The following MARCHF1 variants were observed in gnomAD, a reference collection of about 807,000 sequenced individuals.
The protein encoded by MARCHF1 is E3 ubiquitin-protein ligase MARCHF1.
A neutral mutation model predicts 54.2 loss-of-function variants in MARCHF1; 40 were observed. That is an observed-to-expected ratio of 0.74 (90% CI 0.57 to 0.96). The LOEUF is 0.96. Among genes scored for constraint, MARCHF1 ranks in the 40% least tolerant of loss-of-function variants. The probability of loss-of-function intolerance (pLI) is 0.00; values close to 1 mark genes in which losing one functional copy is unlikely to be tolerated. For missense variants in MARCHF1, 586 were observed against 656.5 expected (o/e 0.89, Z 1.17); for synonymous variants, 236 against 236.3 (o/e 1.00, Z 0.01).
chr4:163,980,852 A>G (rs1456170799), intron 3 of MARCHF1, among the ~76,000 whole-genome samples: 1 of 152,158 alleles, frequency 6.6e-6, no homozygotes, highest in African/African-American at 2.4e-5. Context: ...AAGTTTTGAT[A>G]ATTAATTTTG....
At chr4:164,266,899 A>C (rs182244456) in intron 1 of MARCHF1, among the ~76,000 whole-genome samples, 1 of 152,340 alleles carries the variant, frequency 6.6e-6, no homozygotes, top group Non-Finnish European at 1.5e-5. Context: ...GTAAAATACT[A>C]ATTCAACTCA....
At chr4:164,182,826 T>C (rs1005626201) in intron 1 of MARCHF1, among the ~76,000 whole-genome samples, 10 of 152,042 alleles carry the variant, frequency 6.6e-5, no homozygotes, top group African/African-American at 2.4e-4. Context: ...CCTCTGAAAA[T>C]TTAAGTTCAC....
intron 8 of MARCHF1, among the ~76,000 whole-genome samples, chr4:163,547,319 C>T (rs940430702): frequency 1.3e-5 from 2 of 152,216 alleles, no homozygotes; most frequent in African/African-American, 2.4e-5. Context: ...TCATTAGAGT[C>T]GGCATTGTGC....
At chr4:163,770,440 T>C (rs1337798989) in intron 4 of MARCHF1, among the ~76,000 whole-genome samples, 2 of 152,092 alleles carry the variant, frequency 1.3e-5, no homozygotes, top group Non-Finnish European at 2.9e-5. Context: ...TAAACTTCAG[T>C]ATAAAATATG....
intron 1 of MARCHF1, among the ~76,000 whole-genome samples, chr4:164,149,400 G>T (rs914220392): frequency 1.3e-4 from 20 of 152,054 alleles, no homozygotes; most frequent in Admixed American, 1.3e-3. Context: ...TAACACTTCA[G>T]AAATTATCAG....
At chr4:163,776,194 T>C (rs1242352527) in intron 4 of MARCHF1, among the ~76,000 whole-genome samples, 5 of 152,068 alleles carry the variant, frequency 3.3e-5, no homozygotes, top group African/African-American at 1.2e-4. Flanking sequence ...TATGTAAGTT[T>C]TATAAATGAG....
chr4:163,680,632 C>G (rs931707413), intron 5 of MARCHF1, among the ~76,000 whole-genome samples: 2 of 152,204 alleles, frequency 1.3e-5, no homozygotes, highest in Non-Finnish European at 2.9e-5. Flanking sequence ...CATCCTTCCT[C>G]TGTGGAACTA....
intron 1 of MARCHF1, among the ~76,000 whole-genome samples, chr4:164,156,727 C>G (rs1730087825): frequency 6.6e-6 from 1 of 152,088 alleles, no homozygotes; most frequent in Non-Finnish European, 1.5e-5. Context: ...CCATGCCCGC[C>G]CTTAATTCTT....
rs1267315805 is a variant in MARCHF1 at position 163,990,821 on chromosome 4, G to A, written c.-247-2112C>T. ...GTAAATTATGAAACTCTTTAGAAAA[G>A]TAATATTGTCAGTGTTTAGGTCCAT... On this transcript the variant is annotated intron_variant, in intron 2 of 9. Transcript: ENST00000514618. Among the ~76,000 whole-genome samples, 3 of 152,216 alleles carry A rather than the reference G, an allele frequency of 2.0e-5. 1 individual carries two copies. The Middle Eastern group carries it at 0.01, about 518-fold the overall frequency.
chr4:163,655,250 C>G (rs990930859), intron 5 of MARCHF1, among the ~76,000 whole-genome samples: 1 of 151,518 alleles, frequency 6.6e-6, no homozygotes, highest in East Asian at 1.9e-4. Context: ...TATTTCATGA[C>G]ATTTCGTACT....
chr4:164,197,326 T>G (rs776210026), intron 1 of MARCHF1: 1 of 1,612,292 alleles, frequency 6.2e-7, no homozygotes, highest in Non-Finnish European at 8.5e-7. Flanking sequence ...GAACACGTTT[T>G]CTCCGTAGTC....
intron 1 of MARCHF1, among the ~76,000 whole-genome samples, chr4:164,300,919 G>A (rs1342276167): frequency 6.6e-5 from 10 of 152,228 alleles, no homozygotes; most frequent in African/African-American, 7.2e-5. Context: ...AAAAGGAGGC[G>A]ACACTTAAAC....
At chr4:164,165,460 T>A (rs1730351630) in intron 1 of MARCHF1, among the ~76,000 whole-genome samples, 1 of 151,876 alleles carries the variant, frequency 6.6e-6, no homozygotes, top group Admixed American at 6.6e-5. Context: ...AAGAGAGCCC[T>A]CAACACAACC....
intron 1 of MARCHF1, among the ~76,000 whole-genome samples, chr4:164,276,934 C>CTATATATATATATATATATATATATA (rs373542049): frequency 1.7e-5 from 2 of 115,406 alleles, no homozygotes; most frequent in Admixed American, 1.0e-4. Flanking sequence ...GTCTCATATT[C>CTATATATATATATATATATATATATA]TATATATATA....
intron 1 of MARCHF1, among the ~76,000 whole-genome samples, chr4:164,382,559 G>T (rs996489561): frequency 6.6e-6 from 1 of 152,254 alleles, no homozygotes; most frequent in East Asian, 1.9e-4. Flanking sequence ...GATGAAAACA[G>T]AAAAAGTCAC....
At chr4:164,128,835 T>C (rs531427353) in intron 1 of MARCHF1, among the ~76,000 whole-genome samples, 2 of 152,244 alleles carry the variant, frequency 1.3e-5, no homozygotes, top group South Asian at 2.1e-4. Context: ...AAAGCCAGCA[T>C]TGGATTATCT....
At chr4:164,174,328 T>A (rs1273006731) in intron 1 of MARCHF1, among the ~76,000 whole-genome samples, 1 of 152,240 alleles carries the variant, frequency 6.6e-6, no homozygotes, top group Non-Finnish European at 1.5e-5. Context: ...TGAAGTGAAG[T>A]AAATACAGGG....
intron 3 of MARCHF1, among the ~76,000 whole-genome samples, chr4:163,978,782 G>A (rs1399675490): frequency 6.6e-6 from 1 of 152,042 alleles, no homozygotes; most frequent in African/African-American, 2.4e-5. Flanking sequence ...CACCCAGGCT[G>A]GAGTACAGTG....
At chr4:163,582,768 C>CAA (rs57140017) in intron 8 of MARCHF1, among the ~76,000 whole-genome samples, 5,325 of 149,982 alleles carry the variant, frequency 0.036, 174 homozygotes, top group African/African-American at 0.083. Flanking sequence ...TTAAAAACTA[C>CAA]AAAAAAAAAA....
Sources: gnomAD v4.1 joint callset for allele counts (sites outside exome capture counted in the v4.1 genomes callset) on GRCh38, gnomAD v4.1.1 for gene constraint, MANE v1.5 for transcripts, NCBI Gene and HGNC (gene_info 2026-07-23, HGNC 2026-07-21) for gene names.